Variants in SCN2A observed in about 807,000 individuals in gnomAD.
The protein encoded by SCN2A is sodium channel protein type 2 subunit alpha.
In SCN2A, 20 loss-of-function variants were observed where a neutral mutation model predicts 188.7. The ratio of observed to expected loss-of-function variants is 0.11; its 90% CI spans 0.07 to 0.15. The LOEUF is 0.15. Ranked by LOEUF, SCN2A falls within the 10% of genes least tolerant of loss-of-function variation. SCN2A has a pLI of 1.00. For missense variants in SCN2A, 1,278 were observed against 2,445.0 expected, an observed-to-expected ratio of 0.52 and a Z score of 10.07; for synonymous variants, 804 against 833.1, an observed-to-expected ratio of 0.97 and a Z score of 0.60.
chr2:165,245,329 G>A (rs182630540), intron 1 of SCN2A: 2 of 152,244 alleles, frequency 1.3e-5, no homozygotes, highest in Admixed American at 6.5e-5. Flanking sequence ...TGGTTTTATA[G>A]GGGTTTTTCT....
chr2:165,295,906 G>T lies in SCN2A; in HGVS notation c.83G>T (p.Arg28Leu). The change falls in exon 2 of 27, where the codon CGC becomes CTC. Residue 28 changes from arginine (R) to leucine (L), a missense_variant. By Grantham distance (102) the Arg-to-Leu change is moderately radical (BLOSUM62 -2). This residue lies in a region of SCN2A where 141 missense variants were observed against 185.4 expected (regional missense o/e 0.76). Coordinates refer to ENST00000375437, the MANE Select transcript of SCN2A (RefSeq NM_001040142.2). ...GAATCCCTTGCTGCTATTGAACAAC[G>T]CATTGCAGAAGAGAAAGCTAAGAGA... ...TRESLAAIEQRIAEEKAKRPK... is the reference protein window; with the variant it reads ...TRESLAAIEQLIAEEKAKRPK... 1 of 1,614,040 alleles carries T rather than the reference G, an allele frequency of 6.2e-7. No individual in the cohort carries two copies. Among genetic ancestry groups the T allele is most frequent in the Non-Finnish European group, 8.5e-7 (1 of 1,180,020 alleles).
intron 3 of SCN2A, among the ~76,000 whole-genome samples, chr2:165,300,132 T>TCTAGATAACAAACA (rs2105222271): frequency 6.6e-6 from 1 of 152,362 alleles, no homozygotes; most frequent in South Asian, 2.1e-4. Context: ...ACAAACAAGT[T>TCTAGATAACAAACA]AAAAATAATC....
chr2:165,296,649 GA>G (rs1696526009), intron 2 of SCN2A: 2 of 181,680 alleles, frequency 1.1e-5, no homozygotes, highest in South Asian at 2.3e-4. Flanking sequence ...AACACACCTG[GA>G]AAACCTTGAA....
At chr2:165,378,611 C>T (rs1433643230) in intron 23 of SCN2A, among the ~76,000 whole-genome samples, 3 of 151,702 alleles carry the variant, frequency 2.0e-5, no homozygotes, top group African/African-American at 4.8e-5. Context: ...AGTTTTTGAA[C>T]CCTGACCACA....
At position 165,354,905 on chromosome 2, in the gene SCN2A, C is replaced by T. The variant is rs10191771; in HGVS notation, c.3399+234C>T. On this transcript the variant is annotated intron_variant, in intron 17 of 26. Coordinates refer to ENST00000375437, the MANE Select transcript of SCN2A (RefSeq NM_001040142.2). ...CAATACTGACATTTTGAATTCTTGACAGTATTCTTGATATGAATTTTTTCA... is the reference window on the plus strand; with the variant it reads ...CAATACTGACATTTTGAATTCTTGATAGTATTCTTGATATGAATTTTTTCA... 0.73 allele frequency among the ~76,000 whole-genome samples: 111,293 copies of T among 151,982 alleles called. 41,031 individuals carry two copies. The highest frequency in any genetic ancestry group is 0.79 in the African/African-American group (32,685 of 41,480).
At chr2:165,249,470 A>C (rs1379202811) in intron 1 of SCN2A, among the ~76,000 whole-genome samples, 1 of 152,082 alleles carries the variant, frequency 6.6e-6, no homozygotes, top group African/African-American at 2.4e-5. Context: ...GATAAATTGA[A>C]ATAATGCTAA....
At chr2:165,338,282 C>A (rs1480313330) in intron 14 of SCN2A, among the ~76,000 whole-genome samples, 3 of 89,850 alleles carry the variant, frequency 3.3e-5, no homozygotes, top group Non-Finnish European at 7.1e-5. Context: ...TTTTTTGAGA[C>A]GGAGTCTCGC....
At chr2:165,371,016 A>G (rs1161818296) in intron 20 of SCN2A, 1 of 152,290 alleles carries the variant, frequency 6.6e-6, no homozygotes, top group African/African-American at 2.4e-5. Context: ...ATTACAAACA[A>G]TAGAAAATGC....
At chr2:165,340,564 G>T (rs1699256913) in intron 14 of SCN2A, among the ~76,000 whole-genome samples, 1 of 152,198 alleles carries the variant, frequency 6.6e-6, no homozygotes, top group Admixed American at 6.5e-5. Flanking sequence ...GAATAGGCAG[G>T]TGGGTATGTA....
intron 26 of SCN2A, among the ~76,000 whole-genome samples, chr2:165,387,671 T>C (rs1701945488): frequency 6.6e-6 from 1 of 152,220 alleles, no homozygotes; most frequent in Non-Finnish European, 1.5e-5. Flanking sequence ...ACAGTGTTTA[T>C]GTATAAGATA....
At chr2:165,351,424 C>T (rs944160122) in intron 16 of SCN2A, among the ~76,000 whole-genome samples, 6 of 152,076 alleles carry the variant, frequency 3.9e-5, no homozygotes, top group Middle Eastern at 3.4e-3. Flanking sequence ...AGAAACAATT[C>T]GAAAATTAAT....
chr2:165,274,099 G>A (rs1411854807), intron 1 of SCN2A: 1 of 151,904 alleles, frequency 6.6e-6, no homozygotes, highest in Non-Finnish European at 1.5e-5. Flanking sequence ...CATGCATGAA[G>A]CTATACAAAA....
chr2:165,333,269 G>C (rs1328360232), intron 14 of SCN2A, among the ~76,000 whole-genome samples: 1 of 151,896 alleles, frequency 6.6e-6, no homozygotes, highest in Non-Finnish European at 1.5e-5. Context: ...TCAAGCTGGG[G>C]CTGGTCTTAC....
intron 16 of SCN2A, among the ~76,000 whole-genome samples, chr2:165,347,914 A>G (rs1699685474): frequency 6.6e-6 from 1 of 152,164 alleles, no homozygotes; most frequent in African/African-American, 2.4e-5. Context: ...ACAAGGAAAC[A>G]AGGTACCCAG....
intron 1 of SCN2A, among the ~76,000 whole-genome samples, chr2:165,287,129 G>A (rs1303576124): frequency 6.6e-6 from 1 of 152,202 alleles, no homozygotes; most frequent in Non-Finnish European, 1.5e-5. Context: ...GGAACAAAAG[G>A]AAGTAAAGTA....
intron 12 of SCN2A, among the ~76,000 whole-genome samples, chr2:165,325,519 G>A (rs1000076153): frequency 2.0e-5 from 3 of 152,060 alleles, no homozygotes; most frequent in African/African-American, 7.2e-5. Flanking sequence ...AAATTCAATC[G>A]AGTAATGTCA....
intron 16 of SCN2A, among the ~76,000 whole-genome samples, chr2:165,348,528 G>C (rs1349291518): frequency 6.6e-6 from 1 of 152,016 alleles, no homozygotes; most frequent in East Asian, 1.9e-4. Context: ...TGATAATTCT[G>C]ATCTATTTTT....
At chr2:165,279,921 G>A (rs748852036) in intron 1 of SCN2A, among the ~76,000 whole-genome samples, 3 of 152,124 alleles carry the variant, frequency 2.0e-5, no homozygotes, top group Non-Finnish European at 4.4e-5. Context: ...CATAAGATCC[G>A]ATGGTTGTAT....
intron 3 of SCN2A, among the ~76,000 whole-genome samples, chr2:165,304,826 C>G (rs1347958419): frequency 6.6e-6 from 1 of 152,138 alleles, no homozygotes; most frequent in East Asian, 1.9e-4. Context: ...GAGAAGTAGA[C>G]AGGGATCAGA....
Sources: gnomAD v4.1 joint callset for allele counts (sites outside exome capture counted in the v4.1 genomes callset) on GRCh38, gnomAD v4.1.1 for gene constraint, gnomAD v4.1.1 regional missense constraint, MANE v1.5 for transcripts, NCBI Gene and HGNC (gene_info 2026-07-23, HGNC 2026-07-21) for gene names.